The following TDRD6 variants were observed in gnomAD, a reference collection of about 807,000 sequenced individuals.
TDRD6 encodes tudor domain containing 6, also known as tudor domain-containing protein 6.
TDRD6 carries 186 observed loss-of-function variants against 157.5 expected under a neutral mutation model. That is an observed-to-expected ratio of 1.18 (90% CI 1.05 to 1.33). The LOEUF is 1.33. Among genes scored for constraint, TDRD6 ranks in the 40% most tolerant of loss-of-function variants. TDRD6 has a pLI of 0.00. For synonymous variants in TDRD6, 1,075 were observed against 945.2 expected, an observed-to-expected ratio of 1.14 and a Z score of -2.52; for missense variants, 3,066 against 2,508.0, an observed-to-expected ratio of 1.22 and a Z score of -4.75.
At position 46,691,119 on chromosome 6, in the gene TDRD6, C is replaced by T. The variant is rs1344875712; in HGVS notation, c.2991C>T (p.Asp997=). The change falls in exon 1 of 4, where the codon GAC becomes GAT. Residue 997 remains aspartate (D), a synonymous_variant. Coordinates refer to ENST00000316081, the MANE Select transcript of TDRD6 (RefSeq NM_001010870.3). ...EELVYITHID[D]PWTFYCQLAR... is the part of the protein sequence containing the mutation. ...TAGTTTATATAACGCATATTGATGA[C>T]CCTTGGACATTTTATTGCCAGCTGG... The T allele has an allele frequency of 6.2e-7, 1 of 1,613,884 alleles. No individual in the cohort carries two copies.
Position 46,691,408 on chromosome 6 carries a change from C to G in TDRD6, c.3280C>G (p.Gln1094Glu). The stretch of plus-strand genomic sequence containing the variant: ...ATATGATGTCTTACTTTTGCCCATG[C>G]AAGCTGTCAGATGTTCATTATCTGA... ...DAYDVLLLPM[Q>E]AVRCSLSDIP... is the part of the protein sequence containing the mutation. Residue 1094 changes from glutamine to glutamate, a missense_variant, in exon 1 of 4, where the codon CAA becomes GAA. Gln to Glu is a conservative substitution (Grantham distance 29). Coordinates refer to ENST00000316081, the MANE Select transcript of TDRD6 (RefSeq NM_001010870.3). 6.2e-7 allele frequency: 1 copy of G among 1,614,016 alleles called. No individual in the cohort carries two copies. The highest frequency in any genetic ancestry group is 2.2e-5 in the East Asian group (1 of 44,864).
Position 46,695,678 on chromosome 6 carries a change from G to A in TDRD6, c.6047-143G>A, listed in dbSNP as rs117723321. 4 of 745,850 alleles carry A rather than the reference G, an allele frequency of 5.4e-6. No individual in the cohort carries two copies. In the East Asian group the frequency reaches 1.3e-4, roughly 24 times the overall value. The allele number at this position is 745,850 out of a possible 1,614,324, so 46.2% of individuals were successfully genotyped here. A position where few individuals can be genotyped will look rare whatever the true frequency, so the allele number is the denominator to read the frequency against. On this transcript the variant is annotated intron_variant, in intron 1 of 3. Coordinates refer to ENST00000316081, the MANE Select transcript of TDRD6 (RefSeq NM_001010870.3). ...CACTGTAAGAATTTTAAACAAAATT[G>A]AGGGAGACAGTCATACCAATGTACT...
rs141550823 is a variant in TDRD6, at chr6:46,693,797, T to C, written c.5669T>C (p.Leu1890Pro). The change falls in exon 1 of 4, where the codon CTA (leucine) becomes CCA (proline). Residue 1890 changes from leucine to proline, a missense_variant. By Grantham distance (98) the Leu-to-Pro change is moderately conservative. Coordinates refer to ENST00000316081, the MANE Select transcript of TDRD6 (RefSeq NM_001010870.3). Reference protein sequence around the residue: ...QECVTKGAMELFTLQLPLSCE... With the variant: ...QECVTKGAMEPFTLQLPLSCE... ...TGTGTCACAAAAGGCGCCATGGAGC[T>C]ATTTACACTGCAGCTTCCTCTCAGC... The C allele has an allele frequency of 7.5e-5, 121 of 1,614,220 alleles. No homozygotes were observed. The African/African-American group carries it at 1.6e-3, about 21-fold the overall frequency.
chr6:46,696,084 C>T, intron 2 of TDRD6, 139 bp downstream of exon 2: 2 of 882,256 alleles, frequency 2.3e-6, no homozygotes, highest in East Asian at 2.7e-5. Context: ...ATGTAATGCA[C>T]ATATATTTTA....
At chr6:46,700,361 C>T (rs536414307) in intron 3 of TDRD6, among the ~76,000 whole-genome samples, 8 of 151,954 alleles carry the variant, frequency 5.3e-5, no homozygotes, top group African/African-American at 1.9e-4. Flanking sequence ...CCCTCAAATT[C>T]GAGGAAGCTC....
Position 46,688,446 on chromosome 6 carries a change from G to A in TDRD6, c.318G>A (p.Thr106=), listed in dbSNP as rs1224318883. The A allele has an allele frequency of 6.5e-7, 1 of 1,542,644 alleles. No individual in the cohort carries two copies. The highest frequency in any genetic ancestry group is 1.2e-5 in the South Asian group (1 of 84,202). Residue 106 remains threonine, a synonymous_variant, in exon 1 of 4, where the codon ACG becomes ACA. Coordinates refer to ENST00000316081, the MANE Select transcript of TDRD6 (RefSeq NM_001010870.3). ...VFLLDEGRTI[T]AGAGSLAPGR... is the part of the protein sequence containing the mutation. ...TGCTGGACGAGGGCCGCACCATCACGGCCGGAGCAGGCTCGCTGGCGCCTG... is the reference window on the plus strand; with the variant it reads ...TGCTGGACGAGGGCCGCACCATCACAGCCGGAGCAGGCTCGCTGGCGCCTG...
At chr6:46,696,581 GTATATA>G (rs1554181450) in intron 2 of TDRD6, among the ~76,000 whole-genome samples, 3 of 34,886 alleles carry the variant, frequency 8.6e-5, no homozygotes, top group African/African-American at 4.2e-4. Context: ...GTGTGTGTGT[GTATATA>G]TATATATATA....
Position 46,688,785 on chromosome 6 carries a change from C to T in TDRD6, c.657C>T (p.Ser219=), listed in dbSNP as rs1033532803. The change falls in exon 1 of 4, where the codon AGC becomes AGT. Residue 219 remains serine, a synonymous_variant. Coordinates refer to ENST00000316081, the MANE Select transcript of TDRD6 (RefSeq NM_001010870.3). ...LERYLTAATA[S]VGSGVPVLSR... ...GCTATCTCACAGCGGCCACTGCTAGCGTGGGCTCCGGGGTCCCGGTTCTCT... is the reference window on the plus strand; with the variant it reads ...GCTATCTCACAGCGGCCACTGCTAGTGTGGGCTCCGGGGTCCCGGTTCTCT... The T allele has an allele frequency of 2.4e-5, 39 of 1,609,638 alleles. No homozygotes were observed. Among genetic ancestry groups the T allele is most frequent in the Non-Finnish European group, 3.2e-5 (38 of 1,179,916 alleles).
Position 46,694,129 on chromosome 6 carries a change from A to T in TDRD6, c.6001A>T (p.Ser2001Cys). 6.3e-7 allele frequency: 1 copy of T among 1,595,092 alleles called. No individual in the cohort carries two copies. The highest frequency in any genetic ancestry group is 8.5e-7 in the Non-Finnish European group (1 of 1,171,628). ...GCCTTTGTTCTCTGAGGAAGAAAGC[A>T]GTGATGGAAGCAAGCACAATAATGG... Reference protein sequence around the residue: ...LMPLFSEEESSDGSKHNNGLP... With the variant: ...LMPLFSEEESCDGSKHNNGLP... Residue 2001 changes from serine (S) to cysteine (C), a missense_variant, in exon 1 of 4, where the codon AGT becomes TGT. By Grantham distance (112) the Ser-to-Cys change is moderately radical (BLOSUM62 -1). Coordinates refer to ENST00000316081, the MANE Select transcript of TDRD6 (RefSeq NM_001010870.3).
chr6:46,687,845 C>G (rs993735142), upstream of TDRD6: 11 of 396,956 alleles, frequency 2.8e-5, no homozygotes, highest in African/African-American at 1.9e-4. Context: ...CCCGCCCACT[C>G]TCCGCGGCCG....
chr6:46,701,705 C>A (rs966626074), intron 3 of TDRD6, among the ~76,000 whole-genome samples, 153 bp from the exon 4 acceptor site: 5 of 152,096 alleles, frequency 3.3e-5, no homozygotes, highest in Non-Finnish European at 7.4e-5. Context: ...AACATTGTTT[C>A]TATAGAAATA....
At chr6:46,696,334 G>T (rs1345639707) in intron 2 of TDRD6, among the ~76,000 whole-genome samples, 1 of 151,272 alleles carries the variant, frequency 6.6e-6, no homozygotes, top group Non-Finnish European at 1.5e-5. Flanking sequence ...TGGTGTCAGG[G>T]TGAAGTTTGT....
chr6:46,696,791 T>G (rs1764515380), intron 2 of TDRD6, among the ~76,000 whole-genome samples: 1 of 150,428 alleles, frequency 6.6e-6, no homozygotes, highest in African/African-American at 2.5e-5. Flanking sequence ...TTTTGTATTT[T>G]TAGTAGAGAC....
rs1764681110 is a variant in TDRD6 at position 46,703,697 on chromosome 6, T to C, written c.*1810T>C. 6.6e-6 allele frequency: 1 copy of C among 152,126 alleles called. No individual in the cohort carries two copies. Among genetic ancestry groups the C allele is most frequent in the African/African-American group, 2.4e-5 (1 of 41,454 alleles). The allele number at this position is 152,126 out of a possible 1,614,324, so 9.4% of individuals were successfully genotyped here. On this transcript the variant is annotated 3_prime_UTR_variant, in exon 4 of 4. Transcript: ENST00000316081. ...TTACCTCCATTTAATCGTGTTATTC[T>C]GTTTTACTACTACATATAGAATTGA...
chr6:46,690,823 G>A lies in TDRD6; in HGVS notation c.2695G>A (p.Asp899Asn), dbSNP rs61742452. 3.5e-5 allele frequency: 57 copies of A among 1,613,972 alleles called. No homozygotes were observed. In the African/African-American group the frequency reaches 6.3e-4, roughly 18 times the overall value. Residue 899 changes from aspartate to asparagine, a missense_variant, in exon 1 of 4, where the codon GAT becomes AAT. Coordinates refer to ENST00000316081, the MANE Select transcript of TDRD6 (RefSeq NM_001010870.3). ...QPVGQNPFVW[D>N]VKAIQAFNEF... ...AGTTGGCCAGAATCCCTTTGTTTGGGATGTAAAGGCAATACAAGCTTTCAA... is the reference window on the plus strand; with the variant it reads ...AGTTGGCCAGAATCCCTTTGTTTGGAATGTAAAGGCAATACAAGCTTTCAA...
At position 46,702,625 on chromosome 6, in the gene TDRD6, A is replaced by G. The variant is rs1405487407; in HGVS notation, c.*738A>G. On this transcript the variant is annotated 3_prime_UTR_variant, in exon 4 of 4. Coordinates refer to ENST00000316081, the MANE Select transcript of TDRD6 (RefSeq NM_001010870.3). ...TGAAGTGCATATCAATATTATCCAT[A>G]TTTTATAGGTGAGAAAATTGAAGCT... is the stretch of plus-strand genomic sequence containing the variant. 1 of 152,098 alleles carries G rather than the reference A, an allele frequency of 6.6e-6. No homozygotes were observed. The highest frequency in any genetic ancestry group is 2.4e-5 in the African/African-American group (1 of 41,424). 9.4% of individuals were successfully genotyped at this position (152,098 alleles called of 1,614,324 possible). A position where few individuals can be genotyped will look rare whatever the true frequency, so the allele number is the denominator to read the frequency against.
the TDRD6 span, chr6:46,681,697 T>C: frequency 3.9e-5 from 16 of 407,020 alleles, 1 homozygote; most frequent in Middle Eastern, 1.1e-3. Context: ...AAGTGCCTAA[T>C]TGCTTGTTAT....
rs747762175 is a variant in TDRD6, at chr6:46,692,385, C to T, written c.4257C>T (p.Ser1419=). The change falls in exon 1 of 4, where the codon TCC becomes TCT. Residue 1419 remains serine (S), a synonymous_variant. Coordinates refer to ENST00000316081, the MANE Select transcript of TDRD6 (RefSeq NM_001010870.3). Reference sequence around the variant, plus strand: ...TGCCGGGGTTGTGCATTCATTGCTCCTTGCAGGGATTTGAGGTTCCTGACA... The same window carrying T: ...TGCCGGGGTTGTGCATTCATTGCTCTTTGCAGGGATTTGAGGTTCCTGACA... ...AILPGLCIHC[S]LQGFEVPDNK... is the part of the protein sequence containing the mutation. 2.1e-4 allele frequency: 339 copies of T among 1,614,036 alleles called. 1 individual carries two copies. Among genetic ancestry groups the T allele is most frequent in the Non-Finnish European group, 2.2e-4 (261 of 1,180,024 alleles).
intron 3 of TDRD6, among the ~76,000 whole-genome samples, chr6:46,698,839 G>A (rs1764556754): frequency 1.3e-5 from 2 of 152,186 alleles, no homozygotes; most frequent in African/African-American, 2.4e-5. Context: ...GGAGAATGTT[G>A]AAGTTTTTGT....
Sources: allele counts gnomAD v4.1 joint callset (sites outside exome capture counted in the v4.1 genomes callset), GRCh38; gene constraint gnomAD v4.1.1; transcripts MANE v1.5; gene names NCBI Gene and HGNC (gene_info 2026-07-23, HGNC 2026-07-21).